Variants in TACR3 observed in about 807,000 individuals in gnomAD.
TACR3 encodes the protein tachykinin receptor 3.
A neutral mutation model predicts 35.0 loss-of-function variants in TACR3; 34 were observed. That is an observed-to-expected ratio of 0.97 (90% CI 0.74 to 1.30). The LOEUF (loss-of-function observed/expected upper bound fraction) is 1.30, where lower values mean the gene tolerates loss of function less well. Among genes scored for constraint, TACR3 ranks in the 50% most tolerant of loss-of-function variants. The pLI, the probability that TACR3 is intolerant of heterozygous loss-of-function variation, is 0.00. For synonymous variants in TACR3, 233 were observed against 221.1 expected (o/e 1.05, Z -0.48); for missense variants, 558 against 591.7 (o/e 0.94, Z 0.59).
In TACR3 at chr4:103,589,732, T is replaced by C. The variant is rs1469593398; in HGVS notation, c.1348A>G (p.Thr450Ala). ...TAGGGTGAGCTTATGAAACTTGAAG[T>C]GGCGGAGGCAGATTTGGAATTCCTG... ...SRRNSKSASA[T>A]SSFISSPYTS... is the part of the protein sequence containing the mutation. The change falls in exon 5 of 5, where the codon ACT becomes GCT. Residue 450 changes from threonine (T) to alanine (A), a missense_variant. Thr to Ala is a moderately conservative substitution (Grantham distance 58). Coordinates refer to ENST00000304883, the MANE Select transcript of TACR3 (RefSeq NM_001059.3). 19 of 1,613,988 alleles carry C rather than the reference T, an allele frequency of 1.2e-5. No homozygotes were observed. Among genetic ancestry groups the C allele is most frequent in the Non-Finnish European group, 1.6e-5 (19 of 1,179,898 alleles).
At chr4:103,641,479 G>T (rs2110319890) in intron 3 of TACR3, among the ~76,000 whole-genome samples, 1 of 152,020 alleles carries the variant, frequency 6.6e-6, no homozygotes, top group East Asian at 1.9e-4. Flanking sequence ...ATAAGTGTTG[G>T]CAAGAATGTG....
At chr4:103,715,405 G>C (rs1429483511) in intron 1 of TACR3, among the ~76,000 whole-genome samples, 1 of 152,056 alleles carries the variant, frequency 6.6e-6, no homozygotes, top group East Asian at 1.9e-4. Flanking sequence ...TAAGACTACT[G>C]CTCCTGCTTT....
intron 1 of TACR3, among the ~76,000 whole-genome samples, chr4:103,671,458 A>G (rs192190749): frequency 6.7e-4 from 102 of 152,036 alleles, no homozygotes; most frequent in African/African-American, 2.4e-3. Context: ...TACTGGCTCT[A>G]TACATTACAT....
intron 3 of TACR3, among the ~76,000 whole-genome samples, chr4:103,654,331 C>A (rs1328785766): frequency 1.3e-5 from 2 of 151,504 alleles, no homozygotes; most frequent in Admixed American, 6.6e-5. Flanking sequence ...GATTAAGAAA[C>A]TGTGGCACAT....
At chr4:103,708,138 G>A (rs187715293) in intron 1 of TACR3, among the ~76,000 whole-genome samples, 8 of 152,332 alleles carry the variant, frequency 5.3e-5, no homozygotes, top group South Asian at 2.1e-4. Flanking sequence ...CTGTCTGACA[G>A]CTTTGAAGAG....
chr4:103,697,414 A>G (rs1482050103), intron 1 of TACR3, among the ~76,000 whole-genome samples: 4 of 149,734 alleles, frequency 2.7e-5, no homozygotes, highest in East Asian at 2.0e-4. Context: ...TTATTTATTT[A>G]TTTATTTATT....
At chr4:103,635,223 C>T (rs184582624) in intron 3 of TACR3, among the ~76,000 whole-genome samples, 2 of 151,944 alleles carry the variant, frequency 1.3e-5, no homozygotes, top group Admixed American at 6.6e-5. Context: ...CCCACTAAAA[C>T]ATTTGCCTAA....
intron 3 of TACR3, among the ~76,000 whole-genome samples, chr4:103,642,336 G>A (rs1725372531): frequency 6.9e-6 from 1 of 144,486 alleles, no homozygotes; most frequent in Non-Finnish European, 1.5e-5. Context: ...ATTATTATTT[G>A]TCAATTAAAA....
chr4:103,699,017 C>T (rs1208620508), intron 1 of TACR3, among the ~76,000 whole-genome samples: 1 of 152,140 alleles, frequency 6.6e-6, no homozygotes, highest in Non-Finnish European at 1.5e-5. Flanking sequence ...AATACACTCT[C>T]ACTTGTTATG....
At chr4:103,683,423 C>A (rs1490071453) in intron 1 of TACR3, among the ~76,000 whole-genome samples, 2 of 99,240 alleles carry the variant, frequency 2.0e-5, no homozygotes. Context: ...CAAAAAATAA[C>A]CTTTTGGAAA....
chr4:103,688,879 C>T (rs1050871200), intron 1 of TACR3, among the ~76,000 whole-genome samples: 7 of 152,066 alleles, frequency 4.6e-5, no homozygotes, highest in Non-Finnish European at 1.0e-4. Context: ...TACCATTTGA[C>T]CCAGCCATCC....
chr4:103,591,416 G>T (rs1427939515), intron 4 of TACR3, 71 bp downstream of exon 4: 2 of 1,568,834 alleles, frequency 1.3e-6, no homozygotes, highest in African/African-American at 1.4e-5. Context: ...CCAAGAAAAT[G>T]GAACAACATT....
chr4:103,712,355 CA>C (rs1345741693), intron 1 of TACR3, among the ~76,000 whole-genome samples: 1 of 152,040 alleles, frequency 6.6e-6, no homozygotes, highest in Non-Finnish European at 1.5e-5. Flanking sequence ...ACAAACCTGA[CA>C]AAAACAAGAA....
chr4:103,631,312 A>AACTT lies in TACR3; in HGVS notation c.888+24878_888+24881dup, dbSNP rs1725059901. Among the ~76,000 whole-genome samples the AACTT allele has an allele frequency of 2.6e-5, 4 of 152,248 alleles. No homozygotes were observed. In the South Asian group the frequency reaches 8.3e-4, roughly 32 times the overall value. On this transcript the variant is annotated intron_variant, in intron 3 of 4. Coordinates refer to ENST00000304883, the MANE Select transcript of TACR3 (RefSeq NM_001059.3). ...TGCACGTTGCACACATGTACCCTAG[A>AACTT]ACTTAAAGTATAATAAAAAAATGAA...
At chr4:103,651,657 G>A (rs1479712583) in intron 3 of TACR3, among the ~76,000 whole-genome samples, 1 of 151,810 alleles carries the variant, frequency 6.6e-6, no homozygotes, top group Non-Finnish European at 1.5e-5. Flanking sequence ...TCAAGCAGAA[G>A]GTGTTTTTCC....
intron 3 of TACR3, among the ~76,000 whole-genome samples, chr4:103,608,402 A>G (rs1054919417): frequency 6.6e-6 from 1 of 152,058 alleles, no homozygotes; most frequent in Admixed American, 6.6e-5. Flanking sequence ...ACTGTAGACT[A>G]CTAGAGGCAG....
At chr4:103,678,204 TAGGAATTCA>T (rs1726213858) in intron 1 of TACR3, among the ~76,000 whole-genome samples, 1 of 152,140 alleles carries the variant, frequency 6.6e-6, no homozygotes, top group East Asian at 1.9e-4. Context: ...TTGGATGTAC[TAGGAATTCA>T]TTCCTTTCAG....
chr4:103,622,204 A>G (rs1724798317), intron 3 of TACR3, among the ~76,000 whole-genome samples: 1 of 152,190 alleles, frequency 6.6e-6, no homozygotes, highest in Non-Finnish European at 1.5e-5. Context: ...GGGTGGTTTC[A>G]GTGGAATGGT....
intron 1 of TACR3, among the ~76,000 whole-genome samples, chr4:103,682,810 C>G (rs1411143830): frequency 1.3e-5 from 2 of 152,090 alleles, no homozygotes; most frequent in Non-Finnish European, 2.9e-5. Context: ...GAGAAGGATC[C>G]ATTTCCATCT....
Sources: gnomAD v4.1 joint callset for allele counts (sites outside exome capture counted in the v4.1 genomes callset) on GRCh38, gnomAD v4.1.1 for gene constraint, MANE v1.5 for transcripts, NCBI Gene and HGNC (gene_info 2026-07-23, HGNC 2026-07-21) for gene names.